Variants in FER1L6 observed in about 807,000 individuals in gnomAD.
The protein encoded by FER1L6 is fer-1 like family member 6.
Under a neutral mutation model 219.2 loss-of-function variants are expected in FER1L6, and 177 were observed. That is an observed-to-expected ratio of 0.81 (90% CI 0.71 to 0.91). The LOEUF (loss-of-function observed/expected upper bound fraction) is 0.91. Ranked by LOEUF, FER1L6 falls within the 40% of genes least tolerant of loss-of-function variation. The pLI, the probability that FER1L6 is intolerant of heterozygous loss-of-function variation, is 0.00. For missense variants in FER1L6, 2,153 were observed against 2,259.9 expected (o/e 0.95, Z 0.96); for synonymous variants, 768 against 824.3 (o/e 0.93, Z 1.17).
intron 1 of FER1L6, among the ~76,000 whole-genome samples, chr8:123,873,934 C>T (rs530614007): frequency 9.2e-5 from 14 of 152,172 alleles, no homozygotes; most frequent in African/African-American, 2.7e-4. Context: ...TTGGTCTGAT[C>T]GTCTTCTCAC....
intron 20 of FER1L6, among the ~76,000 whole-genome samples, chr8:124,042,580 G>C (rs1563761560): frequency 6.6e-6 from 1 of 152,198 alleles, no homozygotes; most frequent in African/African-American, 2.4e-5. Flanking sequence ...ATTTTCATAA[G>C]AAAGGGTACC....
intron 1 of FER1L6, among the ~76,000 whole-genome samples, chr8:123,882,188 T>G (rs1160155612): frequency 6.6e-6 from 1 of 152,188 alleles, no homozygotes; most frequent in Non-Finnish European, 1.5e-5. Flanking sequence ...CACATTTTTT[T>G]TTTTTAAATA....
intron 1 of FER1L6, among the ~76,000 whole-genome samples, chr8:123,902,501 G>A (rs1414039281): frequency 3.9e-5 from 6 of 152,132 alleles, no homozygotes; most frequent in African/African-American, 1.4e-4. Flanking sequence ...TGTTAGGTGT[G>A]TATATGTTTA....
At chr8:123,906,923 A>C (rs1812965052) in intron 1 of FER1L6, among the ~76,000 whole-genome samples, 2 of 152,094 alleles carry the variant, frequency 1.3e-5, no homozygotes. Context: ...TTCTTCCCTT[A>C]GCATTGATAT....
At chr8:124,076,493 C>CA (rs1386899433) in intron 32 of FER1L6, among the ~76,000 whole-genome samples, 168 bp downstream of exon 32, 1 of 152,152 alleles carries the variant, frequency 6.6e-6, no homozygotes, top group African/African-American at 2.4e-5. Context: ...GTCCATGGAG[C>CA]AGGGTTGAAT....
Position 123,938,329 on chromosome 8 carries a change from C to T in FER1L6, c.-7-17663C>T, listed in dbSNP as rs188188671. On this transcript the variant is annotated intron_variant, in intron 1 of 40. Transcript: ENST00000522917. ...CTCCAGAAAATTTACAGAAAAGCTA[C>T]ATCATGACTTGCATCACTGGATTTA... is the stretch of plus-strand genomic sequence containing the variant. 5.9e-5 allele frequency among the ~76,000 whole-genome samples: 9 copies of T among 152,272 alleles called. No homozygotes were observed. The South Asian group carries it at 1.0e-3, about 18-fold the overall frequency.
At chr8:124,007,308 C>T (rs568165771) in intron 13 of FER1L6, among the ~76,000 whole-genome samples, 1 of 152,064 alleles carries the variant, frequency 6.6e-6, no homozygotes, top group Admixed American at 6.5e-5. Context: ...CTCTCCCCCC[C>T]CTACCTTCTA....
At position 123,970,126 on chromosome 8, in the gene FER1L6, TG is replaced by T. The variant is rs1217515153; in HGVS notation, c.447+31del. 2.5e-6 allele frequency: 4 copies of T among 1,602,170 alleles called. No homozygotes were observed. In the South Asian group the frequency reaches 4.4e-5, roughly 18 times the overall value. Reference sequence around the variant, plus strand: ...AGTATAGCATTGGTGGTAATAGTTGTGGAGAGGTGGGAGACATTTTGGGCAT... The same window carrying T: ...AGTATAGCATTGGTGGTAATAGTTGTGAGAGGTGGGAGACATTTTGGGCAT... On this transcript the variant is annotated intron_variant, in intron 6 of 40. Coordinates refer to ENST00000522917, the MANE Select transcript of FER1L6 (RefSeq NM_001039112.2).
intron 1 of FER1L6, among the ~76,000 whole-genome samples, chr8:123,946,979 G>A (rs1814522111): frequency 6.6e-6 from 1 of 152,072 alleles, no homozygotes; most frequent in African/African-American, 2.4e-5. Context: ...ATAAGAGACT[G>A]GTGGTAGAGA....
At chr8:124,037,575 C>T (rs1326356019) in intron 19 of FER1L6, among the ~76,000 whole-genome samples, 8 of 152,114 alleles carry the variant, frequency 5.3e-5, no homozygotes, top group Admixed American at 3.3e-4. Context: ...GAACTTTCAC[C>T]GCAAATACCT....
intron 1 of FER1L6, among the ~76,000 whole-genome samples, chr8:123,881,774 C>T (rs1343058272): frequency 2.6e-5 from 4 of 152,104 alleles, no homozygotes; most frequent in East Asian, 1.9e-4. Flanking sequence ...CCACAGGTCC[C>T]GACAGACCAG....
intron 13 of FER1L6, among the ~76,000 whole-genome samples, chr8:124,009,327 C>T (rs915427244): frequency 3.9e-5 from 6 of 152,172 alleles, no homozygotes; most frequent in African/African-American, 1.2e-4. Flanking sequence ...CTGCAGTTTT[C>T]CTGACTGCTA....
chr8:123,909,295 A>G (rs146110278), intron 1 of FER1L6, among the ~76,000 whole-genome samples: 1 of 152,240 alleles, frequency 6.6e-6, no homozygotes, highest in Non-Finnish European at 1.5e-5. Flanking sequence ...TAAGACAAAA[A>G]AAAAGTGGAT....
At chr8:124,075,348 G>A (rs79976303) in intron 31 of FER1L6, among the ~76,000 whole-genome samples, 5,289 of 151,978 alleles carry the variant, frequency 0.035, 297 homozygotes, top group African/African-American at 0.12. Context: ...ACACACACAC[G>A]TTAGCCTAGG....
intron 2 of FER1L6, among the ~76,000 whole-genome samples, chr8:123,957,044 T>A (rs1815052000): frequency 6.6e-6 from 1 of 152,188 alleles, no homozygotes; most frequent in South Asian, 2.1e-4. Context: ...AAAAAGCAGC[T>A]CAAGGCTAGT....
At chr8:124,032,524 T>A (rs1819015682) in intron 18 of FER1L6, among the ~76,000 whole-genome samples, 1 of 151,456 alleles carries the variant, frequency 6.6e-6, no homozygotes, top group South Asian at 2.1e-4. Context: ...AGTCCAGGAG[T>A]TTGAGATGAC....
In FER1L6 at chr8:124,101,176, T is replaced by C. The variant is rs975632231; in HGVS notation, c.4963T>C (p.Trp1655Arg). 6.2e-7 allele frequency: 1 copy of C among 1,613,950 alleles called. No homozygotes were observed. Among genetic ancestry groups the C allele is most frequent in the Non-Finnish European group, 8.5e-7 (1 of 1,179,964 alleles). The change falls in exon 38 of 41, where the codon TGG (tryptophan) becomes CGG (arginine). Residue 1655 changes from tryptophan to arginine, a missense_variant. Coordinates refer to ENST00000522917, the MANE Select transcript of FER1L6 (RefSeq NM_001039112.2). Reference sequence around the variant, plus strand: ...CCTGACTGGAGAGGGCAACTTCAACTGGCGCTTCCTGTTTCCCTTTCAGTA... The same window carrying C: ...CCTGACTGGAGAGGGCAACTTCAACCGGCGCTTCCTGTTTCCCTTTCAGTA... Reference protein sequence around the residue: ...NSLTGEGNFNWRFLFPFQYLP... With the variant: ...NSLTGEGNFNRRFLFPFQYLP...
chr8:124,079,681 G>A (rs1180177989), intron 32 of FER1L6, among the ~76,000 whole-genome samples: 2 of 152,202 alleles, frequency 1.3e-5, no homozygotes, highest in Non-Finnish European at 2.9e-5. Context: ...ACACCCTTAT[G>A]GAGGAGGCAG....
chr8:123,920,472 T>G (rs1308660730), intron 1 of FER1L6, among the ~76,000 whole-genome samples: 1 of 152,218 alleles, frequency 6.6e-6, no homozygotes, highest in Non-Finnish European at 1.5e-5. Flanking sequence ...TTAGACTGGT[T>G]CTGTGGTCCC....
Sources: allele counts gnomAD v4.1 joint callset (sites outside exome capture counted in the v4.1 genomes callset), GRCh38; gene constraint gnomAD v4.1.1; transcripts MANE v1.5; gene names NCBI Gene and HGNC (gene_info 2026-07-23, HGNC 2026-07-21).